OR56A3: variants seen among roughly 807,000 people sequenced by gnomAD.
OR56A3 encodes the protein olfactory receptor 56A3.
Under a neutral mutation model 17.5 loss-of-function variants are expected in OR56A3, and 23 were observed. The observed-to-expected ratio is 1.32, with a 90% confidence interval of 0.95 to 1.87. The LOEUF is 1.87. Ranked by LOEUF, OR56A3 falls within the 40% of genes most tolerant of loss-of-function variation. The probability of loss-of-function intolerance (pLI) is 0.00; values close to 1 mark genes in which losing one functional copy is unlikely to be tolerated. For missense variants in OR56A3, 366 were observed against 380.1 expected, an observed-to-expected ratio of 0.96 and a Z score of 0.31; for synonymous variants, 175 against 150.6, an observed-to-expected ratio of 1.16 and a Z score of -1.19.
chr11:5,982,139 T>C, the OR56A3 span, among the ~76,000 whole-genome samples: 1 of 152,130 alleles, frequency 6.6e-6, no homozygotes. Flanking sequence ...CTTACACGTG[T>C]GTTCAGGCAG....
At chr11:5,968,888 T>C in the OR56A3 span, among the ~76,000 whole-genome samples, 195 of 152,278 alleles carry the variant, frequency 1.3e-3, 1 homozygote, top group African/African-American at 4.2e-3. Flanking sequence ...AATTAATAAA[T>C]ATGTCATAAA....
Position 5,942,694 on chromosome 11 carries a change from A to G in OR56A3, c.-314+320A>G, listed in dbSNP as rs543346938. ...ACCAGTGGAAGTCAGGAAGTAGTTC[A>G]AAATATTTCTGATCAAAATTGCTAA... On this transcript the variant is annotated intron_variant, in intron 1 of 2. Coordinates refer to ENST00000641160, the MANE Select transcript of OR56A3 (RefSeq NM_001003443.3). Among the ~76,000 whole-genome samples the G allele has an allele frequency of 5.0e-4, 76 of 152,262 alleles. 1 individual carries two copies. The highest frequency in any genetic ancestry group is 2.0e-4 in the Admixed American group (3 of 15,290).
In OR56A3 at chr11:5,951,236, G is replaced by A. The variant is rs922369242; in HGVS notation, c.*2942G>A. 4 of 152,086 alleles carry A rather than the reference G, an allele frequency of 2.6e-5. No individual in the cohort carries two copies. Among genetic ancestry groups the A allele is most frequent in the Non-Finnish European group, 5.9e-5 (4 of 68,006 alleles). 9.4% of individuals were successfully genotyped at this position (152,086 alleles called of 1,614,324 possible). On this transcript the variant is annotated 3_prime_UTR_variant, in exon 3 of 3. Coordinates refer to ENST00000641160, the MANE Select transcript of OR56A3 (RefSeq NM_001003443.3). ...GTAAATGGGTATTTACTCATAACAA[G>A]TAAGGAATATTAGCATTAGAGTAAT...
the OR56A3 span, chr11:6,002,252 G>A: frequency 1.2e-6 from 2 of 1,614,140 alleles, no homozygotes; most frequent in Non-Finnish European, 1.7e-6. Flanking sequence ...TGAGGATGAA[G>A]TGGGAACCAC....
At chr11:5,991,551 A>G in the OR56A3 span, among the ~76,000 whole-genome samples, 2 of 152,296 alleles carry the variant, frequency 1.3e-5, no homozygotes, top group East Asian at 3.9e-4. Flanking sequence ...ATTCTAACTC[A>G]GAGAAATAAG....
the OR56A3 span, chr11:5,967,783 C>T: frequency 6.3e-7 from 1 of 1,586,702 alleles, no homozygotes; most frequent in Non-Finnish European, 8.6e-7. Flanking sequence ...AGAGCTTTGG[C>T]CATATCTCCC....
chr11:6,018,734 A>G, the OR56A3 span, among the ~76,000 whole-genome samples: 1 of 136,744 alleles, frequency 7.3e-6, no homozygotes, highest in African/African-American at 2.7e-5. Context: ...CAAAAAATAA[A>G]GTGAAAATTT....
At chr11:5,997,135 C>G in the OR56A3 span, among the ~76,000 whole-genome samples, 4 of 152,194 alleles carry the variant, frequency 2.6e-5, no homozygotes, top group South Asian at 4.1e-4. Flanking sequence ...CTCTGGAAAT[C>G]TCAGTTCTGT....
chr11:5,954,795 G>A (rs191455726), downstream of OR56A3, among the ~76,000 whole-genome samples: 7 of 152,226 alleles, frequency 4.6e-5, no homozygotes, highest in African/African-American at 1.7e-4. Flanking sequence ...TTCTCCTAAA[G>A]GAACTTTCCT....
At chr11:6,006,090 C>T in the OR56A3 span, among the ~76,000 whole-genome samples, 1 of 152,028 alleles carries the variant, frequency 6.6e-6, no homozygotes, top group Admixed American at 6.6e-5. Flanking sequence ...CAAGAAAATT[C>T]AGTGTAAGAA....
At chr11:5,989,227 CT>C in the OR56A3 span, among the ~76,000 whole-genome samples, 5 of 152,166 alleles carry the variant, frequency 3.3e-5, no homozygotes, top group African/African-American at 1.2e-4. Flanking sequence ...AGTCCATTGT[CT>C]TTTTTGCCTA....
At chr11:5,999,251 G>A in the OR56A3 span, among the ~76,000 whole-genome samples, 1 of 152,140 alleles carries the variant, frequency 6.6e-6, no homozygotes, top group East Asian at 1.9e-4. Context: ...AATGCCCCAA[G>A]GTAAATAAGG....
chr11:5,988,092 T>A, the OR56A3 span, among the ~76,000 whole-genome samples: 1 of 152,212 alleles, frequency 6.6e-6, no homozygotes, highest in African/African-American at 2.4e-5. Flanking sequence ...TGGAGTTACA[T>A]GTACACACCA....
At chr11:6,003,272 T>C in the OR56A3 span, 3,717 of 598,810 alleles carry the variant, frequency 6.2e-3, 22 homozygotes, top group Non-Finnish European at 7.4e-3. Flanking sequence ...ATGTTACAGG[T>C]AATAAAATAG....
chr11:6,007,903 C>A, the OR56A3 span, among the ~76,000 whole-genome samples: 1 of 152,186 alleles, frequency 6.6e-6, no homozygotes, highest in Admixed American at 6.5e-5. Flanking sequence ...CTGGGAGTGG[C>A]CCTCTTCATG....
At chr11:6,002,454 C>A in the OR56A3 span, 3 of 1,614,238 alleles carry the variant, frequency 1.9e-6, no homozygotes, top group Non-Finnish European at 2.5e-6. Flanking sequence ...ACTGCAGATG[C>A]AGTTCTTGAT....
chr11:5,970,086 G>A, the OR56A3 span, among the ~76,000 whole-genome samples: 31 of 152,262 alleles, frequency 2.0e-4, no homozygotes, highest in South Asian at 4.1e-4. Context: ...CAGTTTTGAC[G>A]TGTTGAGTTT....
At chr11:6,002,404 A>C in the OR56A3 span, 4 of 1,614,252 alleles carry the variant, frequency 2.5e-6, no homozygotes, top group Non-Finnish European at 3.4e-6. Flanking sequence ...AGCTGATTGA[A>C]AGTGATGTCA....
chr11:6,017,391 G>A, the OR56A3 span, among the ~76,000 whole-genome samples: 2 of 152,110 alleles, frequency 1.3e-5, no homozygotes, highest in African/African-American at 4.8e-5. Flanking sequence ...AGTTTAAAAC[G>A]AAGAAAGAAT....
Sources: gnomAD v4.1 joint callset for allele counts (sites outside exome capture counted in the v4.1 genomes callset) on GRCh38, gnomAD v4.1.1 for gene constraint, MANE v1.5 for transcripts, NCBI Gene and HGNC (gene_info 2026-07-23, HGNC 2026-07-21) for gene names.